Variants in MMP26 observed in about 807,000 individuals in gnomAD.
MMP26 encodes matrix metalloproteinase-26.
Under a neutral mutation model 31.0 loss-of-function variants are expected in MMP26, and 33 were observed. The ratio of observed to expected loss-of-function variants is 1.06; its 90% CI spans 0.81 to 1.42. MMP26 has a LOEUF of 1.42. Ranked by LOEUF, MMP26 falls within the 40% of genes most tolerant of loss-of-function variation. The pLI is 0.00. For synonymous variants in MMP26, 122 were observed against 114.9 expected (o/e 1.06, Z -0.40); for missense variants, 347 against 316.1 (o/e 1.10, Z -0.74).
At chr11:4,823,906 A>G (rs1341224803) in intron 2 of MMP26, among the ~76,000 whole-genome samples, 2 of 152,172 alleles carry the variant, frequency 1.3e-5, no homozygotes, top group Non-Finnish European at 2.9e-5. Flanking sequence ...CAATAATCTT[A>G]TAAGTTAACC....
chr11:4,796,393 T>C (rs530100720), intron 2 of MMP26, among the ~76,000 whole-genome samples: 2 of 152,238 alleles, frequency 1.3e-5, no homozygotes, highest in Non-Finnish European at 2.9e-5. Flanking sequence ...AATATATTAC[T>C]TGAAGTACAT....
chr11:4,934,535 C>G (rs1459555541), intron 2 of MMP26, among the ~76,000 whole-genome samples: 12 of 143,352 alleles, frequency 8.4e-5, no homozygotes, highest in Middle Eastern at 3.6e-3. Context: ...TGCCTGTTCA[C>G]TCTGATGGTA....
chr11:4,921,374 A>G (rs1290653935), intron 2 of MMP26, among the ~76,000 whole-genome samples: 1 of 152,214 alleles, frequency 6.6e-6, no homozygotes, highest in Non-Finnish European at 1.5e-5. Flanking sequence ...GTAAACATGG[A>G]TAAAATACAA....
At chr11:4,819,695 A>T (rs1271379522) in intron 2 of MMP26, among the ~76,000 whole-genome samples, 1 of 145,598 alleles carries the variant, frequency 6.9e-6, no homozygotes, top group East Asian at 2.0e-4. Context: ...CTCCTACTTC[A>T]GCTTACCCAG....
intron 2 of MMP26, among the ~76,000 whole-genome samples, chr11:4,805,961 C>T (rs1358834983): frequency 6.6e-6 from 1 of 152,052 alleles, no homozygotes; most frequent in Non-Finnish European, 1.5e-5. Flanking sequence ...TTACCACCTT[C>T]AAAAGAGAAA....
rs116832008 is a variant in MMP26 at position 4,744,514 on chromosome 11, G to A, written c.-216-22756G>A. 7.2e-3 allele frequency among the ~76,000 whole-genome samples: 1,098 copies of A among 152,258 alleles called. 15 individuals are homozygous for A. The highest frequency in any genetic ancestry group is 0.025 in the African/African-American group (1,040 of 41,542). On this transcript the variant is annotated intron_variant, in intron 1 of 7. Coordinates refer to ENST00000380390, the MANE Select transcript of MMP26 (RefSeq NM_021801.5). ...TTGGATGCCCCTGTACTTACATTCA[G>A]TGAAGAGGATGAGGAAGAGGCAGGG... is the stretch of plus-strand genomic sequence containing the variant.
rs138466203 is a variant in MMP26, at chr11:4,835,433, T to G, written c.-145+68092T>G. Among the ~76,000 whole-genome samples, 662 of 152,262 alleles carry G rather than the reference T, an allele frequency of 4.3e-3. 4 individuals are homozygous for G. Among genetic ancestry groups the G allele is most frequent in the African/African-American group, 0.013 (553 of 41,552 alleles). ...GCTGTTAAGAAATTTTTTTTTCCCC[T>G]TAACTTATCAGTCAAGTTAACGTGA... On this transcript the variant is annotated intron_variant, in intron 2 of 7. Transcript: ENST00000380390.
At chr11:4,917,923 A>C (rs1040186804) in intron 2 of MMP26, among the ~76,000 whole-genome samples, 2 of 151,128 alleles carry the variant, frequency 1.3e-5, no homozygotes, top group Non-Finnish European at 3.0e-5. Context: ...CTTCTTCACC[A>C]CCCTATTTCA....
Position 4,884,764 on chromosome 11 carries a change from T to A in MMP26, c.-144-103304T>A, listed in dbSNP as rs892104649. Among the ~76,000 whole-genome samples the A allele has an allele frequency of 2.7e-4, 41 of 152,192 alleles. 1 individual carries two copies. Among genetic ancestry groups the A allele is most frequent in the Admixed American group, 2.6e-3 (39 of 15,270 alleles). Reference sequence around the variant, plus strand: ...TTTCCAAATATCTGGAAAAACAGTATTTTTTTTCTTTCTTAAGTTTGGTGT... The same window carrying A: ...TTTCCAAATATCTGGAAAAACAGTAATTTTTTTCTTTCTTAAGTTTGGTGT... On this transcript the variant is annotated intron_variant, in intron 2 of 7. Transcript: ENST00000380390.
chr11:4,834,046 A>T (rs1168336905), intron 2 of MMP26, among the ~76,000 whole-genome samples: 1 of 152,178 alleles, frequency 6.6e-6, no homozygotes, highest in Admixed American at 6.6e-5. Context: ...TAGTCTAAAG[A>T]AAAAGAGGTA....
intron 2 of MMP26, among the ~76,000 whole-genome samples, chr11:4,916,441 T>A (rs1034416655): frequency 9.2e-5 from 14 of 152,130 alleles, no homozygotes; most frequent in African/African-American, 3.4e-4. Context: ...CTACCAGGCC[T>A]CTCACTAACA....
rs138045259 is a variant in MMP26 at position 4,852,288 on chromosome 11, T to C, written c.-145+84947T>C. On this transcript the variant is annotated intron_variant, in intron 2 of 7. Transcript: ENST00000380390. Reference sequence around the variant, plus strand: ...TTAATATCCCAAACTCAATAATTGATAAAACAATTGAAAAAAATACACAAG... The same window carrying C: ...TTAATATCCCAAACTCAATAATTGACAAAACAATTGAAAAAAATACACAAG... Among the ~76,000 whole-genome samples the C allele has an allele frequency of 5.8e-4, 88 of 152,082 alleles. 1 individual carries two copies. Among genetic ancestry groups the C allele is most frequent in the Middle Eastern group, 3.4e-3 (1 of 294 alleles).
At chr11:4,866,389 AC>A (rs1474992760) in intron 2 of MMP26, among the ~76,000 whole-genome samples, 2 of 152,154 alleles carry the variant, frequency 1.3e-5, no homozygotes, top group Non-Finnish European at 2.9e-5. Flanking sequence ...TATCCATGAT[AC>A]CTTGTTTATA....
At chr11:4,918,056 G>A (rs539357659) in intron 2 of MMP26, among the ~76,000 whole-genome samples, 32 of 151,962 alleles carry the variant, frequency 2.1e-4, no homozygotes, top group African/African-American at 7.2e-4. Flanking sequence ...TCTGTATTAG[G>A]GACATTCCAA....
chr11:4,722,635 G>A lies in MMP26; in HGVS notation c.-217+17590G>A, dbSNP rs539079070. On this transcript the variant is annotated intron_variant, in intron 1 of 7. Coordinates refer to ENST00000380390, the MANE Select transcript of MMP26 (RefSeq NM_021801.5). The stretch of plus-strand genomic sequence containing the variant: ...GCTGAGGGCTAGGGCTGAGCCTCAG[G>A]TGGGTCCCCTGTTCCCTGTGCTACC... 4.7e-4 allele frequency: 301 copies of A among 636,944 alleles called. 2 individuals are homozygous for A. The East Asian group carries it at 7.9e-3, about 17-fold the overall frequency. 39.5% of individuals were successfully genotyped at this position (636,944 alleles called of 1,614,324 possible).
At chr11:4,946,269 C>A (rs777109929) in intron 2 of MMP26, 1 of 1,613,902 alleles carries the variant, frequency 6.2e-7, no homozygotes, top group South Asian at 1.1e-5. Flanking sequence ...AGAACATTTG[C>A]CATGAGAACA....
chr11:4,722,548 T>C (rs1190525884), intron 1 of MMP26, among the ~76,000 whole-genome samples: 1 of 148,588 alleles, frequency 6.7e-6, no homozygotes. Context: ...GCAATTGAAT[T>C]GTTTTGTAGC....
rs762485939 is a variant in MMP26 at position 4,989,856 on chromosome 11, C to T, written c.308C>T (p.Thr103Ile). ...SPGRCKWNKH[T>I]LTYRIINYPH... ...GGAAGATGCAAGTGGAATAAGCACA[C>T]TCTAACTTACAGGTGCTTGTTACTA... Residue 103 changes from threonine (T) to isoleucine (I), a missense_variant, in exon 4 of 8, where the codon ACT (threonine) becomes ATT (isoleucine). Physicochemically the swap from Thr to Ile is moderately conservative, Grantham distance 89. Transcript: ENST00000380390. The T allele has an allele frequency of 6.2e-7, 1 of 1,607,696 alleles. No homozygotes were observed. The highest frequency in any genetic ancestry group is 1.3e-5 in the African/African-American group (1 of 74,898).
chr11:4,722,301 T>C (rs1848023183), intron 1 of MMP26, among the ~76,000 whole-genome samples: 1 of 152,174 alleles, frequency 6.6e-6, no homozygotes, highest in Admixed American at 6.5e-5. Flanking sequence ...CTGAATTTTG[T>C]TTATTTCCTG....
Sources: allele counts gnomAD v4.1 joint callset (sites outside exome capture counted in the v4.1 genomes callset), GRCh38; gene constraint gnomAD v4.1.1; transcripts MANE v1.5; gene names NCBI Gene and HGNC (gene_info 2026-07-23, HGNC 2026-07-21).